DOCK8: variants seen among roughly 807,000 people sequenced by gnomAD.
The protein encoded by DOCK8 is dedicator of cytokinesis protein 8.
Under a neutral mutation model 245.6 loss-of-function variants are expected in DOCK8, and 141 were observed. That is an observed-to-expected ratio of 0.57 (90% confidence interval 0.50 to 0.66). The LOEUF (loss-of-function observed/expected upper bound fraction) is 0.66. Ranked by LOEUF, DOCK8 falls within the 30% of genes least tolerant of loss-of-function variation. DOCK8 has a pLI of 0.00. For synonymous variants in DOCK8, 1,168 were observed against 970.2 expected, an observed-to-expected ratio of 1.20 and a Z score of -3.79; for missense variants, 2,965 against 2,603.4, an observed-to-expected ratio of 1.14 and a Z score of -3.02.
intron 4 of DOCK8, among the ~76,000 whole-genome samples, chr9:297,417 A>G (rs1487832477): frequency 6.6e-6 from 1 of 152,204 alleles, no homozygotes; most frequent in Non-Finnish European, 1.5e-5. Context: ...GATTGTCTCA[A>G]ATGTGTTAGA....
chr9:311,254 A>C lies in DOCK8; in HGVS notation c.529-700A>C, dbSNP rs189889997. Among the ~76,000 whole-genome samples, 380 of 151,032 alleles carry C rather than the reference A, an allele frequency of 2.5e-3. 8 individuals carry two copies. The highest frequency in any genetic ancestry group is 0.018 in the Admixed American group (271 of 15,090). On this transcript the variant is annotated intron_variant, in intron 5 of 47. Coordinates refer to ENST00000432829, the MANE Select transcript of DOCK8 (RefSeq NM_203447.4). Reference sequence around the variant, plus strand: ...GAGCTGAGATGGCGCCATTGCACTCAAGCCTAGGTGTCGCAGCAAGACTCG... The same window carrying C: ...GAGCTGAGATGGCGCCATTGCACTCCAGCCTAGGTGTCGCAGCAAGACTCG...
Position 326,477 on chromosome 9 carries a change from T to C in DOCK8, c.894+740T>C, listed in dbSNP as rs114276973. On this transcript the variant is annotated intron_variant, in intron 8 of 47. Transcript: ENST00000432829. ...CCTGGAGGACTTGTTAAAACACAGA[T>C]TGCTGGACCTCACCCACAGAGTTTC... 2.5e-3 allele frequency among the ~76,000 whole-genome samples: 387 copies of C among 152,288 alleles called. 1 individual carries two copies. Among genetic ancestry groups the C allele is most frequent in the African/African-American group, 8.4e-3 (351 of 41,566 alleles).
At chr9:336,495 C>T in intron 11 of DOCK8, 87 bp from the exon 12 acceptor site, 1 of 1,570,470 alleles carries the variant, frequency 6.4e-7, no homozygotes, top group Non-Finnish European at 8.7e-7. Flanking sequence ...TGATCAGTGA[C>T]TTTAATCATA....
chr9:327,106 C>T (rs1473547241), intron 8 of DOCK8, among the ~76,000 whole-genome samples: 1 of 152,208 alleles, frequency 6.6e-6, no homozygotes, highest in Admixed American at 6.5e-5. Context: ...ATAGTCTATG[C>T]AGAGTCAAGC....
Position 340,314 on chromosome 9 carries a change from G to A in DOCK8, c.1672G>A (p.Val558Met). 7 of 1,614,064 alleles carry A rather than the reference G, an allele frequency of 4.3e-6. No individual in the cohort carries two copies. Among genetic ancestry groups the A allele is most frequent in the Non-Finnish European group, 5.9e-6 (7 of 1,179,984 alleles). Reference protein sequence around the residue: ...PTREVYVPHTVYRNLLYVYPQ... With the variant: ...PTREVYVPHTMYRNLLYVYPQ... ...ACGAGAAGTATATGTCCCTCACACT[G>A]TGTACAGGTAAGAAACACAGGCTCG... Residue 558 changes from valine (V) to methionine (M), a missense_variant, in exon 14 of 48, where the codon GTG (valine) becomes ATG (methionine). Physicochemically the swap from Val to Met is conservative, Grantham distance 21. Around this residue, in one of 3 missense-constraint regions of DOCK8, gnomAD observed 2,825 missense variants for 2,453.5 expected, o/e 1.15. Transcript: ENST00000432829.
chr9:294,335 T>C (rs1229895108), intron 4 of DOCK8, among the ~76,000 whole-genome samples: 1 of 152,256 alleles, frequency 6.6e-6, no homozygotes, highest in Admixed American at 6.5e-5. Flanking sequence ...TATGCTCTGA[T>C]AGGTACTGCC....
At chr9:403,759 G>A (rs1404919873) in intron 26 of DOCK8, among the ~76,000 whole-genome samples, 1 of 150,936 alleles carries the variant, frequency 6.6e-6, no homozygotes, top group Non-Finnish European at 1.5e-5. Flanking sequence ...CAGCTACTCG[G>A]GAGGCTGAGG....
chr9:426,757 G>C, intron 33 of DOCK8, 128 bp from the exon 34 acceptor site: 1 of 758,830 alleles, frequency 1.3e-6, no homozygotes, highest in Non-Finnish European at 2.3e-6. Flanking sequence ...CTCAGGGCCA[G>C]TTGCTCTGTT....
At chr9:216,074 T>C (rs1378716817) in intron 1 of DOCK8, among the ~76,000 whole-genome samples, 1 of 152,212 alleles carries the variant, frequency 6.6e-6, no homozygotes, top group Non-Finnish European at 1.5e-5. Context: ...CGATAAGGTC[T>C]TCTAGAGGGC....
At chr9:336,950 T>A (rs1177916038) in intron 12 of DOCK8, among the ~76,000 whole-genome samples, 1 of 152,192 alleles carries the variant, frequency 6.6e-6, no homozygotes, top group South Asian at 2.1e-4. Flanking sequence ...GGGCCCACCC[T>A]TGGTGAGGGC....
rs2054632672 is a variant in DOCK8, at chr9:399,394, G to C, written c.3234+135G>C. ...AATCCTACACATCCTGTGTTTTGCA[G>C]CACGTCCCTCATGTCTGTGCCATGG... is the stretch of plus-strand genomic sequence containing the variant. On this transcript the variant is annotated intron_variant, in intron 26 of 47. Coordinates refer to ENST00000432829, the MANE Select transcript of DOCK8 (RefSeq NM_203447.4). 4 of 723,084 alleles carry C rather than the reference G, an allele frequency of 5.5e-6. No homozygotes were observed. In the Admixed American group the frequency reaches 8.1e-5, roughly 15 times the overall value. The allele number at this position is 723,084 out of a possible 1,614,324, so 44.8% of individuals were successfully genotyped here. A position where few individuals can be genotyped will look rare whatever the true frequency, so the allele number is the denominator to read the frequency against.
At chr9:396,660 A>G in intron 24 of DOCK8, 125 bp from the exon 25 acceptor site, 13 of 1,346,800 alleles carry the variant, frequency 9.7e-6, no homozygotes, top group South Asian at 1.2e-5. Flanking sequence ...GGGCACCACC[A>G]GCACAGATAA....
At chr9:332,845 A>G (rs2051089223) in intron 10 of DOCK8, among the ~76,000 whole-genome samples, 1 of 151,186 alleles carries the variant, frequency 6.6e-6, no homozygotes, top group Non-Finnish European at 1.5e-5. Context: ...TTTTTTAGAG[A>G]TGGGGTCTCA....
At chr9:300,627 G>A (rs1206746801) in intron 4 of DOCK8, among the ~76,000 whole-genome samples, 1 of 151,628 alleles carries the variant, frequency 6.6e-6, no homozygotes, top group East Asian at 1.9e-4. Flanking sequence ...AGAGAAGATC[G>A]ATCCAAATAA....
chr9:309,569 A>G (rs1298386983), intron 5 of DOCK8, among the ~76,000 whole-genome samples: 8 of 152,146 alleles, frequency 5.3e-5, no homozygotes, highest in Non-Finnish European at 1.5e-5. Context: ...AATTACAAAG[A>G]CATTCCTAAT....
intron 1 of DOCK8, 196 bp downstream of exon 1, chr9:215,225 C>G: frequency 6.4e-7 from 1 of 1,553,214 alleles, no homozygotes; most frequent in Non-Finnish European, 8.7e-7. Context: ...GCGCTGGGCC[C>G]GGCGAGGTCC....
intron 1 of DOCK8, among the ~76,000 whole-genome samples, chr9:250,707 G>C (rs1211172273): frequency 1.3e-5 from 2 of 152,206 alleles, no homozygotes; most frequent in South Asian, 2.1e-4. Context: ...AAATAGTAGA[G>C]TTGATAGTAT....
At chr9:243,116 T>C (rs2047416664) in intron 1 of DOCK8, among the ~76,000 whole-genome samples, 1 of 152,164 alleles carries the variant, frequency 6.6e-6, no homozygotes, top group Admixed American at 6.6e-5. Flanking sequence ...TTATCAAAAC[T>C]AGAAACAATC....
rs368477654 is a variant in DOCK8, at chr9:446,461, G to A, written c.5672G>A (p.Arg1891Gln). 33 of 1,614,070 alleles carry A rather than the reference G, an allele frequency of 2.0e-5. No individual in the cohort carries two copies. Among genetic ancestry groups the A allele is most frequent in the Middle Eastern group, 1.6e-4 (1 of 6,084 alleles). ...VTYFEKNFNL[R>Q]RFMYTTPFTL... ...TACTTTGAGAAGAATTTCAACCTCC[G>A]GAGGTTCATGTACACCACCCCGTTC... Residue 1891 changes from arginine (R) to glutamine (Q), a missense_variant, in exon 44 of 48, where the codon CGG (arginine) becomes CAG (glutamine). Arg to Gln is a conservative substitution (Grantham distance 43, BLOSUM62 1). Transcript: ENST00000432829.
Sources: gnomAD v4.1 joint callset for allele counts (sites outside exome capture counted in the v4.1 genomes callset) on GRCh38, gnomAD v4.1.1 for gene constraint, gnomAD v4.1.1 regional missense constraint, MANE v1.5 for transcripts, NCBI Gene and HGNC (gene_info 2026-07-23, HGNC 2026-07-21) for gene names.